Variants in TMEM67 observed in about 807,000 individuals in gnomAD.
TMEM67 encodes the protein transmembrane protein 67.
In TMEM67, 124 loss-of-function variants were observed where a neutral mutation model predicts 136.6. The observed-to-expected ratio is 0.91, with a 90% CI of 0.78 to 1.05. TMEM67 has a LOEUF of 1.05. Ranked by LOEUF, TMEM67 falls within the 50% of genes least tolerant of loss-of-function variation. The pLI is 0.00. For missense variants in TMEM67, 1,107 were observed against 1,178.4 expected, an observed-to-expected ratio of 0.94 and a Z score of 0.89; for synonymous variants, 364 against 390.5, an observed-to-expected ratio of 0.93 and a Z score of 0.80.
At chr8:93,791,853 T>C (rs1814390302) in intron 15 of TMEM67, 1 of 152,710 alleles carries the variant, frequency 6.5e-6, no homozygotes, top group South Asian at 2.1e-4. Flanking sequence ...TTATTCTTCT[T>C]ATTCTCCCCC....
chr8:93,825,421 T>C, the TMEM67 span, among the ~76,000 whole-genome samples: 2 of 152,364 alleles, frequency 1.3e-5, no homozygotes, highest in East Asian at 1.9e-4. Flanking sequence ...AATGGCCCCA[T>C]TGGGTGCTAT....
chr8:93,829,135 T>C, the TMEM67 span, among the ~76,000 whole-genome samples: 2 of 152,142 alleles, frequency 1.3e-5, no homozygotes, highest in African/African-American at 4.8e-5. Context: ...TGCCACTCTG[T>C]TATCATCATT....
At chr8:93,804,708 T>G in intron 22 of TMEM67, 54 bp from the exon 23 acceptor site, 3 of 1,002,072 alleles carry the variant, frequency 3.0e-6, no homozygotes, top group Non-Finnish European at 4.7e-6. Context: ...AACTTAATTT[T>G]TTATTGTTTT....
At chr8:93,774,168 C>T (rs1408753764) in intron 7 of TMEM67, among the ~76,000 whole-genome samples, 1 of 151,962 alleles carries the variant, frequency 6.6e-6, no homozygotes, top group Admixed American at 6.6e-5. Flanking sequence ...GGGCATGCCA[C>T]CACACTCAGC....
At chr8:93,829,492 C>G in the TMEM67 span, among the ~76,000 whole-genome samples, 2 of 152,032 alleles carry the variant, frequency 1.3e-5, no homozygotes, top group African/African-American at 4.8e-5. Context: ...ACTGGATCTA[C>G]TCCTCTAACT....
At chr8:93,811,079 C>G (rs1255572321) in intron 26 of TMEM67, among the ~76,000 whole-genome samples, 1 of 152,178 alleles carries the variant, frequency 6.6e-6, no homozygotes, top group Non-Finnish European at 1.5e-5. Flanking sequence ...CTGAGATACA[C>G]AGACGAATGA....
intron 26 of TMEM67, among the ~76,000 whole-genome samples, chr8:93,812,149 C>CAA (rs563320603): frequency 1.4e-4 from 11 of 77,184 alleles, no homozygotes; most frequent in African/African-American, 1.8e-4. Context: ...AACTCTGTCT[C>CAA]AAAAAAAAAA....
Position 93,803,673 on chromosome 8 carries a change from TC to T in TMEM67, c.2312del (p.Ser771LeufsTer2), listed in dbSNP as rs1255281969. ...DKIRQFVDLC[S>X]MSNISVFLLS... ...AATTCGACAGTTCGTTGATTTATGC[TC>T]TATGAGTAATGTAAGTACTTTCTGA... is the stretch of plus-strand genomic sequence containing the variant. On this transcript the variant is annotated frameshift_variant, in exon 22 of 28. Transcript: ENST00000453321. LOFTEE classifies it high-confidence loss of function. 1 of 1,569,642 alleles carries T rather than the reference TC, an allele frequency of 6.4e-7. No individual in the cohort carries two copies. The highest frequency in any genetic ancestry group is 1.1e-5 in the South Asian group (1 of 90,082).
intron 27 of TMEM67, 22 bp downstream of exon 27, chr8:93,815,469 A>G: frequency 1.3e-6 from 2 of 1,593,690 alleles, no homozygotes; most frequent in Non-Finnish European, 1.7e-6. Context: ...AAATTTTTCT[A>G]CATTTTCCTT....
At chr8:93,809,225 A>T (rs1808596102) in intron 25 of TMEM67, 64 bp downstream of exon 25, 2 of 950,094 alleles carry the variant, frequency 2.1e-6, no homozygotes, top group South Asian at 2.6e-5. Flanking sequence ...GTTAAGTGGG[A>T]ATGTCAATTA....
chr8:93,803,159 G>T (rs561945995), intron 21 of TMEM67, among the ~76,000 whole-genome samples: 4 of 152,122 alleles, frequency 2.6e-5, no homozygotes, highest in African/African-American at 7.2e-5. Context: ...ATACTTTGTA[G>T]TCAGAATACT....
Position 93,808,952 on chromosome 8 carries a change from TA to T in TMEM67, c.2554del (p.Arg852GlyfsTer9). On this transcript the variant is annotated frameshift_variant, in exon 24 of 28. Transcript: ENST00000453321. LOFTEE classifies it high-confidence loss of function. ...TATGACAGAATTCATGAGACACTAA[TA>T]AGGGTTTGTATAAAGTACAGTTCAG... ...QHYDRIHETL[I>X]RKNGPARLLS... The T allele has an allele frequency of 6.3e-7, 1 of 1,584,722 alleles. No homozygotes were observed. Among genetic ancestry groups the T allele is most frequent in the Non-Finnish European group, 8.7e-7 (1 of 1,153,466 alleles).
chr8:93,785,896 A>G, intron 12 of TMEM67: 1 of 322,618 alleles, frequency 3.1e-6, no homozygotes, highest in South Asian at 3.1e-5. Context: ...CAACATAATT[A>G]GAACTGGTTG....
chr8:93,801,944 A>AT (rs1379226437), intron 21 of TMEM67, among the ~76,000 whole-genome samples: 1 of 152,204 alleles, frequency 6.6e-6, no homozygotes, highest in Non-Finnish European at 1.5e-5. Context: ...TTAAGGAAAT[A>AT]TTTTGTACAA....
At chr8:93,755,232 C>T (rs1483185128) in intron 1 of TMEM67, 95 bp downstream of exon 1, 4 of 1,236,686 alleles carry the variant, frequency 3.2e-6, no homozygotes, top group Non-Finnish European at 4.7e-6. Context: ...GTTGATCAGG[C>T]TAGTCTCGAA....
At chr8:93,818,834 C>T (rs991614349), downstream of TMEM67, among the ~76,000 whole-genome samples, 1 of 152,086 alleles carries the variant, frequency 6.6e-6, no homozygotes, top group African/African-American at 2.4e-5. Context: ...TGGGGTCTCA[C>T]TCTTATCACC....
chr8:93,804,310 CT>C (rs1182297223), intron 22 of TMEM67, among the ~76,000 whole-genome samples: 2,884 of 93,712 alleles, frequency 0.031, 32 homozygotes, highest in African/African-American at 0.098. Context: ...CTTTTCTTTT[CT>C]TTTTTTTTTT....
chr8:93,758,662 A>T, intron 3 of TMEM67, 86 bp downstream of exon 3: 1 of 1,125,674 alleles, frequency 8.9e-7, no homozygotes, highest in Non-Finnish European at 1.3e-6. Context: ...TAATTTAAAT[A>T]GTTAAGTGAT....
At chr8:93,782,359 T>A (rs772910808) in intron 10 of TMEM67, 36 bp from the exon 11 acceptor site, 1 of 1,537,762 alleles carries the variant, frequency 6.5e-7, no homozygotes, top group African/African-American at 1.4e-5. Context: ...ATAGAAAACA[T>A]TTGTGAGATT....
Sources: gnomAD v4.1 joint callset for allele counts (sites outside exome capture counted in the v4.1 genomes callset) on GRCh38, gnomAD v4.1.1 for gene constraint, MANE v1.5 for transcripts, NCBI Gene and HGNC (gene_info 2026-07-23, HGNC 2026-07-21) for gene names.